ZBTB20: variants seen among roughly 807,000 people sequenced by gnomAD.
ZBTB20 encodes the protein zinc finger and BTB domain-containing protein 20.
Under a neutral mutation model 56.9 loss-of-function variants are expected in ZBTB20, and 9 were observed. The observed-to-expected ratio is 0.16, with a 90% CI of 0.10 to 0.28. ZBTB20 has a LOEUF of 0.28. Among genes scored for constraint, ZBTB20 ranks in the 10% least tolerant of loss-of-function variants. The pLI is 1.00. For missense variants in ZBTB20, 655 were observed against 1,003.0 expected (o/e 0.65, Z 4.69); for synonymous variants, 417 against 420.7 (o/e 0.99, Z 0.11).
intron 7 of ZBTB20, among the ~76,000 whole-genome samples, chr3:114,498,256 C>A (rs1424548285): frequency 6.6e-6 from 1 of 152,100 alleles, no homozygotes; most frequent in Non-Finnish European, 1.5e-5. Context: ...ATGGGAAATT[C>A]TTGGGGGAAC....
chr3:114,889,025 G>A (rs1031654704), intron 4 of ZBTB20, among the ~76,000 whole-genome samples: 1 of 151,874 alleles, frequency 6.6e-6, no homozygotes. Context: ...ATGAAATGTA[G>A]TGTAAAAAGT....
intron 6 of ZBTB20, among the ~76,000 whole-genome samples, chr3:114,564,888 A>C (rs2052532187): frequency 6.6e-6 from 1 of 152,228 alleles, no homozygotes; most frequent in Non-Finnish European, 1.5e-5. Context: ...CTATACCATG[A>C]GAAATTCCCT....
chr3:114,534,655 A>G (rs1360138956), intron 6 of ZBTB20, among the ~76,000 whole-genome samples: 1 of 152,218 alleles, frequency 6.6e-6, no homozygotes, highest in African/African-American at 2.4e-5. Context: ...AGACATCTAC[A>G]GAACTCTCCA....
Position 114,461,703 on chromosome 3 carries a change from T to C in ZBTB20, c.-255+38649A>G, listed in dbSNP as rs141013261. Among the ~76,000 whole-genome samples the C allele has an allele frequency of 5.6e-3, 860 of 152,362 alleles. 7 individuals are homozygous for C. Among genetic ancestry groups the C allele is most frequent in the African/African-American group, 0.017 (698 of 41,582 alleles). ...GATAGTGCTCCTAAAAGAGTAGTCC[T>C]TGGGCCAGCAGCATCAGCATTGCCT... On this transcript the variant is annotated intron_variant, in intron 7 of 11. Coordinates refer to ENST00000675478, the MANE Select transcript of ZBTB20 (RefSeq NM_001348800.3).
At chr3:114,380,140 G>A (rs1282720741) in intron 10 of ZBTB20, 77 bp downstream of exon 10, 10 of 1,375,142 alleles carry the variant, frequency 7.3e-6, no homozygotes, top group African/African-American at 2.9e-5. Flanking sequence ...CGCTCTGAAA[G>A]TAGAAAAGCC....
chr3:114,914,175 C>A (rs1316980478), intron 3 of ZBTB20, among the ~76,000 whole-genome samples: 2 of 151,944 alleles, frequency 1.3e-5, no homozygotes, highest in Admixed American at 1.3e-4. Flanking sequence ...GTAGTATGGG[C>A]ATTTTAACAA....
At chr3:114,417,503 G>A (rs573607140) in intron 7 of ZBTB20, among the ~76,000 whole-genome samples, 133 of 152,148 alleles carry the variant, frequency 8.7e-4, no homozygotes, top group African/African-American at 3.1e-3. Flanking sequence ...AAAAGAAAGT[G>A]CTTTATTTCA....
chr3:114,468,978 ATGT>A (rs1275132549), intron 7 of ZBTB20, among the ~76,000 whole-genome samples: 12 of 141,332 alleles, frequency 8.5e-5, no homozygotes, highest in African/African-American at 3.2e-4. Context: ...TGCAGATCTA[ATGT>A]TGTCAGATCT....
At chr3:114,544,510 C>CT (rs1217465262) in intron 6 of ZBTB20, among the ~76,000 whole-genome samples, 2,405 of 107,284 alleles carry the variant, frequency 0.022, 139 homozygotes, top group African/African-American at 0.071. Flanking sequence ...TTCTTTCTTT[C>CT]TTTTTTTTTT....
intron 10 of ZBTB20, among the ~76,000 whole-genome samples, chr3:114,364,279 T>C (rs1285210693): frequency 6.6e-6 from 1 of 152,116 alleles, no homozygotes; most frequent in Non-Finnish European, 1.5e-5. Flanking sequence ...TGGTGAAACC[T>C]CGTCTCTTCT....
intron 4 of ZBTB20, among the ~76,000 whole-genome samples, chr3:114,820,019 A>G (rs2073149992): frequency 6.6e-6 from 1 of 151,956 alleles, no homozygotes; most frequent in African/African-American, 2.4e-5. Flanking sequence ...AAAACAGTTA[A>G]GAATGTAGTT....
chr3:115,002,006 T>C (rs1253404193), intron 2 of ZBTB20, among the ~76,000 whole-genome samples: 1 of 151,474 alleles, frequency 6.6e-6, no homozygotes, highest in Non-Finnish European at 1.5e-5. Context: ...TATAGCTACA[T>C]GAGTCAAGGT....
At chr3:115,099,231 T>C (rs1277134735) in intron 1 of ZBTB20, among the ~76,000 whole-genome samples, 2 of 152,086 alleles carry the variant, frequency 1.3e-5, no homozygotes, top group African/African-American at 4.8e-5. Flanking sequence ...TTATTTATGC[T>C]CCCCAAAATG....
chr3:114,821,950 C>T (rs1278909850), intron 4 of ZBTB20, among the ~76,000 whole-genome samples: 3 of 151,622 alleles, frequency 2.0e-5, no homozygotes, highest in Non-Finnish European at 2.9e-5. Context: ...TTCAACACTA[C>T]GGGTAAGGGA....
At chr3:114,464,157 A>T (rs1336221481) in intron 7 of ZBTB20, among the ~76,000 whole-genome samples, 6 of 152,196 alleles carry the variant, frequency 3.9e-5, no homozygotes, top group African/African-American at 1.4e-4. Flanking sequence ...TCTGCTGTTT[A>T]ATTATATTCA....
chr3:114,552,090 C>T (rs755577183), intron 6 of ZBTB20, among the ~76,000 whole-genome samples: 146 of 152,090 alleles, frequency 9.6e-4, no homozygotes, highest in Non-Finnish European at 1.4e-3. Flanking sequence ...TTGCTCATGT[C>T]TATAATCTCA....
In ZBTB20 at chr3:114,317,960, T is replaced by C. The variant is rs1017739095; in HGVS notation, c.*21045A>G. 2.0e-5 allele frequency: 3 copies of C among 152,156 alleles called. No homozygotes were observed. Among genetic ancestry groups the C allele is most frequent in the African/African-American group, 7.2e-5 (3 of 41,430 alleles). The allele number at this position is 152,156 out of a possible 1,614,324, so 9.4% of individuals were successfully genotyped here. On this transcript the variant is annotated 3_prime_UTR_variant, in exon 12 of 12. Transcript: ENST00000675478. The stretch of plus-strand genomic sequence containing the variant: ...CTCTTCAGCTTTCTGTCATTGACAG[T>C]CTCAAGATTCGGCTGCTTTAGAGTC...
rs140735254 is a variant in ZBTB20, at chr3:114,499,175, A to G, written c.-255+1177T>C. ...TCTATCAACACTGAAATAGAGAATA[A>G]CAAGACTTGTCAGGGACAGGTAGGA... is the stretch of plus-strand genomic sequence containing the variant. On this transcript the variant is annotated intron_variant, in intron 7 of 11. Transcript: ENST00000675478. 2.4e-3 allele frequency among the ~76,000 whole-genome samples: 367 copies of G among 152,286 alleles called. 2 individuals are homozygous for G. Among genetic ancestry groups the G allele is most frequent in the Non-Finnish European group, 4.5e-3 (304 of 68,014 alleles).
chr3:114,584,144 A>C (rs2054931289), intron 6 of ZBTB20, among the ~76,000 whole-genome samples: 1 of 152,210 alleles, frequency 6.6e-6, no homozygotes, highest in South Asian at 2.1e-4. Context: ...TAGACAAATA[A>C]ATGATCAAAT....
Sources: gnomAD v4.1 joint callset for allele counts (sites outside exome capture counted in the v4.1 genomes callset) on GRCh38, gnomAD v4.1.1 for gene constraint, MANE v1.5 for transcripts, NCBI Gene and HGNC (gene_info 2026-07-23, HGNC 2026-07-21) for gene names.